The following CDKAL1 variants were observed in gnomAD, a reference collection of about 807,000 sequenced individuals.
CDKAL1 encodes the protein CDKAL1 threonylcarbamoyladenosine tRNA methylthiotransferase, also known as threonylcarbamoyladenosine tRNA methylthiotransferase.
Under a neutral mutation model 68.2 loss-of-function variants are expected in CDKAL1, and 32 were observed. The observed-to-expected ratio is 0.47, with a 90% CI of 0.35 to 0.63. The LOEUF (loss-of-function observed/expected upper bound fraction) is 0.63. CDKAL1 is among the 30% of genes least tolerant of loss of function. The pLI is 0.00. For synonymous variants in CDKAL1, 234 were observed against 244.3 expected (o/e 0.96, Z 0.39); for missense variants, 606 against 696.7 (o/e 0.87, Z 1.47).
chr6:21,227,724 A>C (rs1049709167), intron 15 of CDKAL1, among the ~76,000 whole-genome samples: 1 of 152,236 alleles, frequency 6.6e-6, no homozygotes, highest in African/African-American at 2.4e-5. Context: ...AAATATGTTA[A>C]ACATCTGAGG....
chr6:21,178,738 A>G (rs1369982464), intron 13 of CDKAL1, among the ~76,000 whole-genome samples: 12 of 152,132 alleles, frequency 7.9e-5, no homozygotes. Flanking sequence ...TCGTATAGCA[A>G]TTTTCAGTTT....
chr6:20,927,795 T>G (rs1006041718), intron 9 of CDKAL1, among the ~76,000 whole-genome samples: 1 of 152,226 alleles, frequency 6.6e-6, no homozygotes, highest in East Asian at 1.9e-4. Flanking sequence ...TTTAAGCTTA[T>G]AAACACTATA....
intron 10 of CDKAL1, among the ~76,000 whole-genome samples, chr6:20,992,075 T>C (rs1766852062): frequency 7.3e-6 from 1 of 137,204 alleles, no homozygotes; most frequent in South Asian, 2.3e-4. Context: ...TCACCCAGGC[T>C]GGAATGCAGT....
intron 5 of CDKAL1, among the ~76,000 whole-genome samples, chr6:20,674,332 G>T (rs1769988391): frequency 6.6e-6 from 1 of 152,100 alleles, no homozygotes; most frequent in Non-Finnish European, 1.5e-5. Context: ...TTGTGTTAGT[G>T]GAATTGACTT....
At position 21,104,159 on chromosome 6, in the gene CDKAL1, C is replaced by G. The variant is rs575097436; in HGVS notation, c.1237-4242C>G. 1.6e-4 allele frequency among the ~76,000 whole-genome samples: 25 copies of G among 152,290 alleles called. 1 individual carries two copies. In the South Asian group the frequency reaches 5.2e-3, roughly 32 times the overall value. The stretch of plus-strand genomic sequence containing the variant: ...TGAATACAGACGGCTCTGAAAGCCC[C>G]ATATCTATTTCAGCATGCTCTAGAA... On this transcript the variant is annotated intron_variant, in intron 12 of 15. Coordinates refer to ENST00000274695, the MANE Select transcript of CDKAL1 (RefSeq NM_017774.3).
At chr6:21,139,635 C>T (rs747402532) in intron 13 of CDKAL1, among the ~76,000 whole-genome samples, 3 of 151,992 alleles carry the variant, frequency 2.0e-5, no homozygotes, top group Admixed American at 6.6e-5. Context: ...CTCAACCTCC[C>T]GAGTAGCTAG....
chr6:21,033,355 T>A (rs1215300956), intron 11 of CDKAL1, among the ~76,000 whole-genome samples: 1 of 152,144 alleles, frequency 6.6e-6, no homozygotes, highest in Non-Finnish European at 1.5e-5. Context: ...TTTTAACTAG[T>A]GCTTGACTAG....
At chr6:20,639,820 G>C (rs1210325157) in intron 4 of CDKAL1, among the ~76,000 whole-genome samples, 1 of 152,148 alleles carries the variant, frequency 6.6e-6, no homozygotes, top group East Asian at 1.9e-4. Flanking sequence ...ACAGGCATGT[G>C]CCACCACGCC....
At chr6:21,215,867 CAG>C (rs1206356016) in intron 15 of CDKAL1, among the ~76,000 whole-genome samples, 1 of 152,088 alleles carries the variant, frequency 6.6e-6, no homozygotes, top group African/African-American at 2.4e-5. Context: ...GATTACATGA[CAG>C]AGAGAATTAG....
intron 8 of CDKAL1, among the ~76,000 whole-genome samples, chr6:20,836,666 C>T (rs888248446): frequency 6.6e-6 from 1 of 152,066 alleles, no homozygotes; most frequent in Admixed American, 6.5e-5. Context: ...CTGAAAACAG[C>T]ACAATTCTTT....
chr6:21,076,903 G>T (rs1243403309), intron 12 of CDKAL1, among the ~76,000 whole-genome samples: 1 of 151,902 alleles, frequency 6.6e-6, no homozygotes, highest in Non-Finnish European at 1.5e-5. Context: ...CCATAATTTT[G>T]TTGTATCTGG....
chr6:20,803,548 G>A (rs1232035972), intron 8 of CDKAL1, among the ~76,000 whole-genome samples: 1 of 152,196 alleles, frequency 6.6e-6, no homozygotes, highest in Non-Finnish European at 1.5e-5. Flanking sequence ...TAAGCCATTG[G>A]CGGTGATAGT....
chr6:20,904,812 A>G (rs1386107321), intron 9 of CDKAL1, among the ~76,000 whole-genome samples: 1 of 152,148 alleles, frequency 6.6e-6, no homozygotes, highest in Non-Finnish European at 1.5e-5. Flanking sequence ...AAGAAAAAAG[A>G]AAGTCACTAC....
chr6:20,926,962 A>T (rs1206338580), intron 9 of CDKAL1, among the ~76,000 whole-genome samples: 1 of 150,104 alleles, frequency 6.7e-6, no homozygotes, highest in Non-Finnish European at 1.5e-5. Flanking sequence ...CATGAATAGA[A>T]TGGCTCTATA....
intron 13 of CDKAL1, among the ~76,000 whole-genome samples, chr6:21,182,563 C>CT (rs1354171924): frequency 2.0e-5 from 3 of 152,156 alleles, no homozygotes; most frequent in African/African-American, 7.2e-5. Context: ...AAACTTCACG[C>CT]TGTCCTGTGT....
chr6:21,166,792 T>C (rs1777173378), intron 13 of CDKAL1, among the ~76,000 whole-genome samples: 2 of 152,246 alleles, frequency 1.3e-5, no homozygotes, highest in Non-Finnish European at 2.9e-5. Flanking sequence ...GTAACTGTGA[T>C]GCAGAAGTTG....
chr6:20,863,488 A>G (rs1323829463), intron 9 of CDKAL1, among the ~76,000 whole-genome samples: 1 of 152,230 alleles, frequency 6.6e-6, no homozygotes, highest in Non-Finnish European at 1.5e-5. Context: ...GAATGTATGC[A>G]TGCATGCCTC....
At chr6:20,742,794 T>C (rs188767589) in intron 6 of CDKAL1, among the ~76,000 whole-genome samples, 1 of 152,198 alleles carries the variant, frequency 6.6e-6, no homozygotes, top group African/African-American at 2.4e-5. Context: ...CATTACATAT[T>C]ATTAAAGTAT....
chr6:20,761,325 T>G (rs115018968), intron 7 of CDKAL1, among the ~76,000 whole-genome samples: 1,787 of 152,268 alleles, frequency 0.012, 30 homozygotes, highest in African/African-American at 0.04. Context: ...TTATTGCTGG[T>G]GGTAATGCAA....
Sources: allele counts gnomAD v4.1 joint callset (sites outside exome capture counted in the v4.1 genomes callset), GRCh38; gene constraint gnomAD v4.1.1; transcripts MANE v1.5; gene names NCBI Gene and HGNC (gene_info 2026-07-23, HGNC 2026-07-21).